Variants in NMBR observed in about 807,000 individuals in gnomAD.
The protein encoded by NMBR is neuromedin-B receptor.
In NMBR, 16 loss-of-function variants were observed where a neutral mutation model predicts 20.5. The ratio of observed to expected loss-of-function variants is 0.78; its 90% CI spans 0.53 to 1.19. NMBR has a LOEUF of 1.19. Among genes scored for constraint, NMBR ranks in the 50% most tolerant of loss-of-function variants. NMBR has a pLI of 0.00. For synonymous variants in NMBR, 212 were observed against 196.6 expected, an observed-to-expected ratio of 1.08 and a Z score of -0.65; for missense variants, 582 against 499.1, an observed-to-expected ratio of 1.17 and a Z score of -1.58.
At chr6:142,127,206 T>C (rs1022720386) in intron 1 of NMBR, among the ~76,000 whole-genome samples, 4 of 152,106 alleles carry the variant, frequency 2.6e-5, no homozygotes, top group African/African-American at 9.6e-5. Context: ...TTTTTCTGCA[T>C]GTGGATATCC....
At chr6:142,125,106 T>C (rs1005622918) in intron 1 of NMBR, among the ~76,000 whole-genome samples, 2 of 151,896 alleles carry the variant, frequency 1.3e-5, no homozygotes, top group Non-Finnish European at 2.9e-5. Context: ...TTGTGATTTA[T>C]GAATCTAGGC....
chr6:142,087,553 TAA>T (rs1777222187), intron 2 of NMBR, among the ~76,000 whole-genome samples: 1 of 152,130 alleles, frequency 6.6e-6, no homozygotes. Context: ...CAAAATAGAA[TAA>T]TGGACACTTC....
At chr6:142,118,563 CT>C (rs1482741121) in intron 1 of NMBR, among the ~76,000 whole-genome samples, 1 of 152,050 alleles carries the variant, frequency 6.6e-6, no homozygotes, top group Admixed American at 6.6e-5. Flanking sequence ...TGCTTCTACA[CT>C]TTCTCTATAA....
intron 1 of NMBR, among the ~76,000 whole-genome samples, chr6:142,143,285 T>C (rs1220334738): frequency 6.6e-6 from 1 of 152,230 alleles, no homozygotes; most frequent in East Asian, 1.9e-4. Flanking sequence ...TTAATTTTAA[T>C]TTTATTTTTT....
chr6:142,093,862 G>GT (rs1451467201), intron 1 of NMBR, among the ~76,000 whole-genome samples: 2 of 152,054 alleles, frequency 1.3e-5, no homozygotes, highest in African/African-American at 2.4e-5. Context: ...GTGTGAGATG[G>GT]TATCTCCTTG....
intron 1 of NMBR, among the ~76,000 whole-genome samples, chr6:142,096,403 G>T (rs1210190224): frequency 6.6e-6 from 1 of 151,994 alleles, no homozygotes; most frequent in Non-Finnish European, 1.5e-5. Flanking sequence ...CCTTCATTTC[G>T]TTATGTACCC....
chr6:142,088,091 C>G, intron 2 of NMBR, 146 bp downstream of exon 2: 1 of 705,392 alleles, frequency 1.4e-6, no homozygotes, highest in East Asian at 2.7e-5. Flanking sequence ...ACTCTACTTC[C>G]CAGGTACACA....
Position 142,136,252 on chromosome 6 carries a change from A to G in NMBR, c.-664+10792T>C, listed in dbSNP as rs1368889751. Among the ~76,000 whole-genome samples the G allele has an allele frequency of 6.6e-5, 10 of 152,118 alleles. No individual in the cohort carries two copies. In the South Asian group the frequency reaches 1.4e-3, roughly 22 times the overall value. ...TGCATTTCTCTGATGGCCAGTGATGATGAGCATTTTTTCAAGTGTCTTTTG... is the reference window on the plus strand; with the variant it reads ...TGCATTTCTCTGATGGCCAGTGATGGTGAGCATTTTTTCAAGTGTCTTTTG... On this transcript the variant is annotated intron_variant, in intron 1 of 3. Coordinates refer to ENST00000258042, the MANE Select transcript of NMBR (RefSeq NM_002511.4).
At chr6:142,100,689 A>C (rs1252268603) in intron 1 of NMBR, among the ~76,000 whole-genome samples, 1 of 152,208 alleles carries the variant, frequency 6.6e-6, no homozygotes, top group Non-Finnish European at 1.5e-5. Context: ...ACTCTAATGT[A>C]ATCTATGACT....
Position 142,147,063 on chromosome 6 carries a change from C to CA in NMBR, c.-684dup. ...TCCTACCAGCAGAGAGCGCTAGCGCCATGCGCGGCATAAGCGCCAAAATGC... is the reference window on the plus strand; with the variant it reads ...TCCTACCAGCAGAGAGCGCTAGCGCCAATGCGCGGCATAAGCGCCAAAATGC... On this transcript the variant is annotated 5_prime_UTR_variant, in exon 1 of 4. It removes an upstream start codon present in the reference 5' UTR. Coordinates refer to ENST00000258042, the MANE Select transcript of NMBR (RefSeq NM_002511.4). 2 of 562,838 alleles carry CA rather than the reference C, an allele frequency of 3.6e-6. No individual in the cohort carries two copies. Among genetic ancestry groups the CA allele is most frequent in the Admixed American group, 6.0e-5 (2 of 33,464 alleles). The allele number at this position is 562,838 out of a possible 1,614,324, so 34.9% of individuals were successfully genotyped here.
intron 1 of NMBR, among the ~76,000 whole-genome samples, chr6:142,112,212 C>A (rs1777778715): frequency 6.6e-6 from 1 of 152,020 alleles, no homozygotes; most frequent in South Asian, 2.1e-4. Flanking sequence ...AAATAACCTG[C>A]TAGGTATTTT....
intron 1 of NMBR, among the ~76,000 whole-genome samples, chr6:142,140,307 G>A (rs1778344150): frequency 6.6e-6 from 1 of 152,002 alleles, no homozygotes; most frequent in African/African-American, 2.4e-5. Flanking sequence ...ACTATTATAA[G>A]ATTCTTGTAA....
At position 142,147,071 on chromosome 6, in the gene NMBR, G is replaced by C. The variant is rs1478904871; in HGVS notation, c.-691C>G. On this transcript the variant is annotated 5_prime_UTR_variant, in exon 1 of 4. Coordinates refer to ENST00000258042, the MANE Select transcript of NMBR (RefSeq NM_002511.4). ...GCAGAGAGCGCTAGCGCCATGCGCG[G>C]CATAAGCGCCAAAATGCTCGGGTCT... The C allele has an allele frequency of 1.8e-6, 1 of 565,604 alleles. No individual in the cohort carries two copies. The highest frequency in any genetic ancestry group is 3.2e-6 in the Non-Finnish European group (1 of 314,516). The allele number at this position is 565,604 out of a possible 1,614,324, so 35.0% of individuals were successfully genotyped here. A position where few individuals can be genotyped will look rare whatever the true frequency, so the allele number is the denominator to read the frequency against.
At chr6:142,137,705 GC>G (rs1778286370) in intron 1 of NMBR, among the ~76,000 whole-genome samples, 1 of 152,210 alleles carries the variant, frequency 6.6e-6, no homozygotes, top group African/African-American at 2.4e-5. Context: ...TTAGCATGAA[GC>G]GTTGTTGAAT....
At chr6:142,110,185 AT>A (rs1777736473) in intron 1 of NMBR, among the ~76,000 whole-genome samples, 1 of 152,206 alleles carries the variant, frequency 6.6e-6, no homozygotes, top group South Asian at 2.1e-4. Flanking sequence ...AAGGCTAAAC[AT>A]AAAATTACTA....
chr6:142,134,661 T>C, intron 1 of NMBR: 1 of 695,760 alleles, frequency 1.4e-6, no homozygotes, highest in Non-Finnish European at 2.6e-6. Flanking sequence ...ATATACTCTC[T>C]GTTTTATTAA....
intron 1 of NMBR, among the ~76,000 whole-genome samples, chr6:142,115,224 A>G (rs1351617733): frequency 6.6e-6 from 1 of 152,148 alleles, no homozygotes; most frequent in African/African-American, 2.4e-5. Flanking sequence ...ATCAGGAATG[A>G]GATCATAGAG....
chr6:142,091,901 A>C (rs1033471134), intron 1 of NMBR, among the ~76,000 whole-genome samples: 3 of 152,178 alleles, frequency 2.0e-5, no homozygotes, highest in African/African-American at 7.2e-5. Context: ...ATTCGTTGAC[A>C]TGAGTATTAT....
At chr6:142,076,165 C>G (rs1776943897) in intron 3 of NMBR, 116 bp from the exon 4 acceptor site, 1 of 730,000 alleles carries the variant, frequency 1.4e-6, no homozygotes, top group Non-Finnish European at 2.2e-6. Context: ...ATCCAAAATA[C>G]ATAAATTATT....
Sources: gnomAD v4.1 joint callset for allele counts (sites outside exome capture counted in the v4.1 genomes callset) on GRCh38, gnomAD v4.1.1 for gene constraint, MANE v1.5 for transcripts, NCBI Gene and HGNC (gene_info 2026-07-23, HGNC 2026-07-21) for gene names.